Variants in LIMCH1 observed in about 807,000 individuals in gnomAD.
LIMCH1 encodes LIM and calponin homology domains 1, also known as LIM and calponin homology domains-containing protein 1.
LIMCH1 carries 113 observed loss-of-function variants against 176.5 expected under a neutral mutation model. The ratio of observed to expected loss-of-function variants is 0.64; its 90% confidence interval spans 0.55 to 0.75. The LOEUF (loss-of-function observed/expected upper bound fraction) is 0.75. LIMCH1 is among the 30% of genes least tolerant of loss of function. LIMCH1 has a pLI of 0.00. For synonymous variants in LIMCH1, 619 were observed against 645.9 expected, an observed-to-expected ratio of 0.96 and a Z score of 0.63; for missense variants, 1,674 against 1,814.9, an observed-to-expected ratio of 0.92 and a Z score of 1.41.
intron 10 of LIMCH1, 109 bp from the exon 11 acceptor site, chr4:41,632,640 G>T (rs182858497): frequency 3.6e-6 from 3 of 834,550 alleles, no homozygotes. Context: ...TGGAATGAGA[G>T]CAGCCACATT....
At chr4:41,367,366 T>C (rs1428555925) in intron 1 of LIMCH1, among the ~76,000 whole-genome samples, 1 of 152,044 alleles carries the variant, frequency 6.6e-6, no homozygotes, top group African/African-American at 2.4e-5. Flanking sequence ...AAAATATTGG[T>C]TAGGTTGGGA....
At chr4:41,671,397 A>AAC (rs141018823) in intron 21 of LIMCH1, among the ~76,000 whole-genome samples, 157 bp from the exon 22 acceptor site, 7,271 of 137,438 alleles carry the variant, frequency 0.053, 216 homozygotes, top group East Asian at 0.12. Context: ...TGACTTACCA[A>AAC]ACACACACAC....
chr4:41,696,540 C>T (rs1730782478), intron 31 of LIMCH1, among the ~76,000 whole-genome samples: 1 of 152,158 alleles, frequency 6.6e-6, no homozygotes, highest in African/African-American at 2.4e-5. Context: ...TTGAATTTCA[C>T]ATAAACAATA....
intron 1 of LIMCH1, among the ~76,000 whole-genome samples, chr4:41,584,065 T>TCTATACGC (rs1186357036): frequency 2.6e-5 from 4 of 152,188 alleles, no homozygotes; most frequent in African/African-American, 9.7e-5. Flanking sequence ...TCATATGACC[T>TCTATACGC]CTATACGCCT....
At chr4:41,401,353 G>A (rs1202823576) in intron 1 of LIMCH1, among the ~76,000 whole-genome samples, 8 of 151,994 alleles carry the variant, frequency 5.3e-5, no homozygotes, top group South Asian at 2.1e-4. Context: ...GATATGCGGC[G>A]TTATTTCTGA....
At chr4:41,672,663 G>A (rs2095088777) in intron 22 of LIMCH1, among the ~76,000 whole-genome samples, 1 of 152,188 alleles carries the variant, frequency 6.6e-6, no homozygotes, top group African/African-American at 2.4e-5. Flanking sequence ...ACAAGGTGCT[G>A]TGGACATTCC....
intron 1 of LIMCH1, among the ~76,000 whole-genome samples, chr4:41,361,706 G>A (rs1348180619): frequency 4.6e-5 from 7 of 152,236 alleles, no homozygotes; most frequent in African/African-American, 1.7e-4. Flanking sequence ...AGTCCCGGAA[G>A]CGCTCACTGG....
intron 1 of LIMCH1, among the ~76,000 whole-genome samples, chr4:41,386,226 G>A (rs2056473726): frequency 6.6e-6 from 1 of 152,068 alleles, no homozygotes; most frequent in Admixed American, 6.6e-5. Context: ...GCTATTCCAG[G>A]GCTTCTGTTA....
At chr4:41,481,685 G>T (rs575206592) in intron 1 of LIMCH1, among the ~76,000 whole-genome samples, 2 of 152,086 alleles carry the variant, frequency 1.3e-5, no homozygotes, top group Admixed American at 1.3e-4. Flanking sequence ...AATATATTTT[G>T]GGGGGAGAAT....
intron 1 of LIMCH1, among the ~76,000 whole-genome samples, chr4:41,585,046 G>A (rs2086197950): frequency 6.6e-6 from 1 of 152,062 alleles, no homozygotes; most frequent in South Asian, 2.1e-4. Flanking sequence ...CCATTTATGA[G>A]GGCTCACCCT....
intron 1 of LIMCH1, among the ~76,000 whole-genome samples, chr4:41,464,837 G>T (rs768676047): frequency 1.3e-5 from 2 of 152,174 alleles, no homozygotes; most frequent in Non-Finnish European, 2.9e-5. Context: ...TGCGCTTCTT[G>T]TGTGGAGCAC....
intron 1 of LIMCH1, among the ~76,000 whole-genome samples, chr4:41,394,740 G>A (rs541439782): frequency 6.6e-6 from 1 of 152,338 alleles, no homozygotes; most frequent in South Asian, 2.1e-4. Context: ...TGGGGAATAT[G>A]TAGGGAAGGG....
rs114480599 is a variant in LIMCH1 at position 41,601,348 on chromosome 4, G to A, written c.-134+2322G>A. ...AGCAAAAGACAGTGGCCAGTCCGGA[G>A]GTGGTTGAGGGTGGCTTCTCTGAAG... On this transcript the variant is annotated intron_variant, in intron 2 of 31. Transcript: ENST00000503057. Among the ~76,000 whole-genome samples the A allele has an allele frequency of 7.2e-3, 1,099 of 152,290 alleles. 13 individuals carry two copies. The highest frequency in any genetic ancestry group is 0.025 in the African/African-American group (1,024 of 41,574).
chr4:41,379,778 G>A (rs1403186430), intron 1 of LIMCH1, among the ~76,000 whole-genome samples: 4 of 152,080 alleles, frequency 2.6e-5, no homozygotes, highest in Admixed American at 1.3e-4. Context: ...AATAGGTCTA[G>A]TATTTTATTT....
At chr4:41,513,123 A>G (rs1051756309) in intron 2 of LIMCH1, among the ~76,000 whole-genome samples, 1 of 152,248 alleles carries the variant, frequency 6.6e-6, no homozygotes, top group Non-Finnish European at 1.5e-5. Flanking sequence ...CAAAAGAGAT[A>G]TAAAGAAAAT....
chr4:41,597,838 G>A (rs1017384710), intron 1 of LIMCH1, among the ~76,000 whole-genome samples: 1 of 152,196 alleles, frequency 6.6e-6, no homozygotes, highest in African/African-American at 2.4e-5. Flanking sequence ...TCAAGAAGAG[G>A]TGTGTACATT....
chr4:41,581,112 G>GTCTA (rs1554109824), intron 1 of LIMCH1, among the ~76,000 whole-genome samples: 11,337 of 132,956 alleles, frequency 0.085, 538 homozygotes, highest in East Asian at 0.21. Flanking sequence ...CTGTCTGTCT[G>GTCTA]TCTATCTATC....
intron 2 of LIMCH1, among the ~76,000 whole-genome samples, chr4:41,507,128 C>A (rs2074278668): frequency 6.6e-6 from 1 of 152,152 alleles, no homozygotes; most frequent in African/African-American, 2.4e-5. Context: ...CATGAACAGC[C>A]AAATGGAAGA....
At chr4:41,635,296 G>A (rs1004038948) in intron 13 of LIMCH1, among the ~76,000 whole-genome samples, 12 of 151,346 alleles carry the variant, frequency 7.9e-5, no homozygotes, top group Non-Finnish European at 1.3e-4. Flanking sequence ...TGCAGGGCCC[G>A]ATCTCAGCTC....
Sources: gnomAD v4.1 joint callset for allele counts (sites outside exome capture counted in the v4.1 genomes callset) on GRCh38, gnomAD v4.1.1 for gene constraint, MANE v1.5 for transcripts, NCBI Gene and HGNC (gene_info 2026-07-23, HGNC 2026-07-21) for gene names.